The following CRNKL1 variants were observed in gnomAD, a reference collection of about 807,000 sequenced individuals.
CRNKL1 encodes the protein crooked neck pre-mRNA splicing factor 1, also known as crooked neck-like protein 1.
CRNKL1 carries 35 observed loss-of-function variants against 103.7 expected under a neutral mutation model. That is an observed-to-expected ratio of 0.34 (90% CI 0.26 to 0.45). The LOEUF is 0.45. Ranked by LOEUF, CRNKL1 falls within the 20% of genes least tolerant of loss-of-function variation. The pLI is 1.00. For missense variants in CRNKL1, 645 were observed against 836.0 expected, an observed-to-expected ratio of 0.77 and a Z score of 2.82; for synonymous variants, 267 against 282.6, an observed-to-expected ratio of 0.94 and a Z score of 0.55.
At chr20:20,045,199 C>T in intron 6 of CRNKL1, 109 bp downstream of exon 6, 1 of 919,932 alleles carries the variant, frequency 1.1e-6, no homozygotes, top group Non-Finnish European at 1.6e-6. Context: ...ATTTTGAAAA[C>T]ATCTTTCCAG....
chr20:20,041,755 T>C (rs2043518192), intron 8 of CRNKL1, 130 bp from the exon 9 acceptor site: 2 of 645,922 alleles, frequency 3.1e-6, no homozygotes, highest in East Asian at 2.8e-5. Flanking sequence ...AAGTTGTTAC[T>C]TGCAAACCCT....
At position 20,050,607 on chromosome 20, in the gene CRNKL1, G is replaced by T; in HGVS notation, c.67C>A (p.Pro23Thr). 1 of 1,601,262 alleles carries T rather than the reference G, an allele frequency of 6.2e-7. No individual in the cohort carries two copies. Among genetic ancestry groups the T allele is most frequent in the South Asian group, 1.1e-5 (1 of 87,944 alleles). Residue 23 changes from proline to threonine, a missense_variant, in exon 2 of 14, where the codon CCG becomes ACG. By Grantham distance (38) the Pro-to-Thr change is conservative. Coordinates refer to ENST00000536226, the MANE Select transcript of CRNKL1 (RefSeq NM_001278628.2). Reference sequence around the variant, plus strand: ...TCAGCAGTTATCTGTACCTCAGCCGGGGCTTTGTTTTTCACCTTTTAAGAA... The same window carrying T: ...TCAGCAGTTATCTGTACCTCAGCCGTGGCTTTGTTTTTCACCTTTTAAGAA... ...PKVAKVKNKA[P>T]AEVQITAEQL...
At chr20:20,043,445 C>A in intron 7 of CRNKL1, 47 bp downstream of exon 7, 1 of 1,564,766 alleles carries the variant, frequency 6.4e-7, no homozygotes, top group Non-Finnish European at 8.8e-7. Flanking sequence ...TATTGATGAG[C>A]ACATCTTGGG....
In CRNKL1 at chr20:20,040,594, TTAAAG is replaced by T. The variant is rs1436461635; in HGVS notation, c.1305+87_1305+91del. 2.1e-5 allele frequency: 20 copies of T among 948,994 alleles called. No individual in the cohort carries two copies. In the East Asian group the frequency reaches 4.8e-4, roughly 23 times the overall value. 58.8% of individuals were successfully genotyped at this position (948,994 alleles called of 1,614,324 possible). On this transcript the variant is annotated intron_variant, in intron 10 of 13. Transcript: ENST00000536226. Reference sequence around the variant, plus strand: ...AAAGGTATAATACTTCTGTCACTCTTTAAAGTAGGAACTGTACAACTTCCAAGCAC... The same window carrying T: ...AAAGGTATAATACTTCTGTCACTCTTTAGGAACTGTACAACTTCCAAGCAC...
Position 20,049,520 on chromosome 20 carries a change from GT to G in CRNKL1, c.205-90del, listed in dbSNP as rs1600254227. ...CTATTTTAAGTCTTGTACTAAAATG[GT>G]TATTCATTTTGTTCATATTTAAGAG... On this transcript the variant is annotated intron_variant, in intron 2 of 13. Coordinates refer to ENST00000536226, the MANE Select transcript of CRNKL1 (RefSeq NM_001278628.2). 9 of 664,336 alleles carry G rather than the reference GT, an allele frequency of 1.4e-5. No homozygotes were observed. In the East Asian group the frequency reaches 2.4e-4, roughly 18 times the overall value. 41.2% of individuals were successfully genotyped at this position (664,336 alleles called of 1,614,324 possible).
chr20:20,038,581 CAT>C (rs1239810637), intron 11 of CRNKL1, 131 bp from the exon 12 acceptor site: 48 of 584,742 alleles, frequency 8.2e-5, no homozygotes, highest in Non-Finnish European at 1.2e-4. Flanking sequence ...CTAAAGAACA[CAT>C]GTGGATAAGA....
chr20:20,035,589 TAAGA>T lies in CRNKL1; in HGVS notation c.*602_*605del, dbSNP rs1405940998. On this transcript the variant is annotated 3_prime_UTR_variant, in exon 14 of 14. Coordinates refer to ENST00000536226, the MANE Select transcript of CRNKL1 (RefSeq NM_001278628.2). ...AAAAAACAATATAACTGGACACTAG[TAAGA>T]AAGTAAGGTAAATTATTAATCCACT... is the stretch of plus-strand genomic sequence containing the variant. 1 of 152,224 alleles carries T rather than the reference TAAGA, an allele frequency of 6.6e-6. No individual in the cohort carries two copies. The highest frequency in any genetic ancestry group is 1.5e-5 in the Non-Finnish European group (1 of 68,042). 9.4% of individuals were successfully genotyped at this position (152,224 alleles called of 1,614,324 possible). A position where few individuals can be genotyped will look rare whatever the true frequency, so the allele number is the denominator to read the frequency against.
intron 3 of CRNKL1, among the ~76,000 whole-genome samples, chr20:20,049,114 T>C (rs1464432711): frequency 6.6e-6 from 1 of 152,200 alleles, no homozygotes; most frequent in Non-Finnish European, 1.5e-5. Flanking sequence ...TAGCTACAAC[T>C]GACAAGATCT....
At chr20:20,038,696 T>C in intron 11 of CRNKL1, 1 of 357,408 alleles carries the variant, frequency 2.8e-6, no homozygotes, top group Non-Finnish European at 5.0e-6. Context: ...TTGGAAGTTT[T>C]TCAAATGCTT....
rs897211825 is a variant in CRNKL1, at chr20:20,034,533, T to C, written c.*1662A>G. 1 of 135,326 alleles carries C rather than the reference T, an allele frequency of 7.4e-6. No homozygotes were observed. The highest frequency in any genetic ancestry group is 1.7e-5 in the Non-Finnish European group (1 of 57,640). 8.4% of individuals were successfully genotyped at this position (135,326 alleles called of 1,614,324 possible). On this transcript the variant is annotated 3_prime_UTR_variant, in exon 14 of 14. Transcript: ENST00000536226. ...GGAACATGACAGAATTTTTTTCTTA[T>C]GCATTCATGCAACATAAACAGATAA...
At chr20:20,047,000 G>A (rs1249995279) in intron 5 of CRNKL1, among the ~76,000 whole-genome samples, 13 of 152,136 alleles carry the variant, frequency 8.5e-5, no homozygotes, top group Admixed American at 5.9e-4. Context: ...TTTAATCTTC[G>A]CAACAGCCCA....
chr20:20,050,420 C>A (rs751109870), intron 2 of CRNKL1, 50 bp downstream of exon 2: 4 of 1,551,348 alleles, frequency 2.6e-6, no homozygotes, highest in Admixed American at 1.8e-5. Flanking sequence ...TTCAAACTGA[C>A]CGATACAGTC....
rs772884017 is a variant in CRNKL1, at chr20:20,036,334, T to C, written c.1925A>G (p.Asp642Gly). 1.2e-6 allele frequency: 2 copies of C among 1,614,004 alleles called. No individual in the cohort carries two copies. The highest frequency in any genetic ancestry group is 1.7e-6 in the Non-Finnish European group (2 of 1,180,010). The part of the protein sequence containing the change: ...GSDAGWEEYF[D>G]YIFPEDAANQ... ...GGCAGCATCTTCTGGAAAGATGTAA[T>C]CAAAGTATTCTTCCCAGCCTGCATC... Residue 642 changes from aspartate (D) to glycine (G), a missense_variant, in exon 14 of 14, where the codon GAT becomes GGT. By Grantham distance (94) the Asp-to-Gly change is moderately conservative (BLOSUM62 -1). Transcript: ENST00000536226.
chr20:20,047,336 T>A (rs1170208870), intron 5 of CRNKL1, among the ~76,000 whole-genome samples: 1 of 152,218 alleles, frequency 6.6e-6, no homozygotes, highest in East Asian at 1.9e-4. Context: ...ATTATTTATA[T>A]AACATTTACA....
chr20:20,043,682 T>C lies in CRNKL1; in HGVS notation c.802-20A>G, dbSNP rs769854160. On this transcript the variant is annotated intron_variant, in intron 6 of 13. Coordinates refer to ENST00000536226, the MANE Select transcript of CRNKL1 (RefSeq NM_001278628.2). ...TTCAAACTAAATGCAGACAGGATGA[T>C]TACCTTCTATAACACAATATTCTCA... 6.2e-7 allele frequency: 1 copy of C among 1,604,768 alleles called. No individual in the cohort carries two copies. The highest frequency in any genetic ancestry group is 8.5e-7 in the Non-Finnish European group (1 of 1,172,392).
chr20:20,050,364 C>A, intron 2 of CRNKL1, 106 bp downstream of exon 2: 1 of 947,018 alleles, frequency 1.1e-6, no homozygotes, highest in Non-Finnish European at 1.6e-6. Context: ...CGTCTGGAAA[C>A]ACTTAACCTC....
At chr20:20,052,531 C>T (rs191096342), upstream of CRNKL1, 74 of 1,614,230 alleles carry the variant, frequency 4.6e-5, no homozygotes, top group Non-Finnish European at 5.8e-5. Flanking sequence ...CCATGGTGAC[C>T]AGGCTGCGCG....
rs2043412437 is a variant in CRNKL1 at position 20,035,937 on chromosome 20, T to C, written c.*258A>G. On this transcript the variant is annotated 3_prime_UTR_variant, in exon 14 of 14. Transcript: ENST00000536226. ...TGTAGAATGTTACCTTAATTACATTTCCTAATGCATGATGTGGACAGACAT... is the reference window on the plus strand; with the variant it reads ...TGTAGAATGTTACCTTAATTACATTCCCTAATGCATGATGTGGACAGACAT... The C allele has an allele frequency of 8.0e-6, 3 of 376,246 alleles. No individual in the cohort carries two copies. Among genetic ancestry groups the C allele is most frequent in the Non-Finnish European group, 1.4e-5 (3 of 209,426 alleles). The allele number at this position is 376,246 out of a possible 1,614,324, so 23.3% of individuals were successfully genotyped here.
chr20:20,055,875 G>A, upstream of CRNKL1: 2 of 1,155,080 alleles, frequency 1.7e-6, no homozygotes, highest in Non-Finnish European at 2.6e-6. Flanking sequence ...GGAAAGAAGG[G>A]AGGGAAAGAG....
Sources: gnomAD v4.1 joint callset for allele counts (sites outside exome capture counted in the v4.1 genomes callset) on GRCh38, gnomAD v4.1.1 for gene constraint, MANE v1.5 for transcripts, NCBI Gene and HGNC (gene_info 2026-07-23, HGNC 2026-07-21) for gene names.